The following FASN variants were observed in gnomAD, a reference collection of about 807,000 sequenced individuals.
FASN encodes the protein fatty acid synthase, also known as 3-hydroxyacyl-[acyl-carrier-protein] dehydratase.
In FASN, 50 loss-of-function variants were observed where a neutral mutation model predicts 250.0. The observed-to-expected ratio is 0.20, with a 90% CI of 0.16 to 0.25. FASN has a LOEUF of 0.25. Ranked by LOEUF, FASN falls within the 10% of genes least tolerant of loss-of-function variation. The probability of loss-of-function intolerance (pLI) is 1.00; values close to 1 mark genes in which losing one functional copy is unlikely to be tolerated. For missense variants in FASN, 3,031 were observed against 3,498.5 expected (o/e 0.87, Z 3.37); for synonymous variants, 1,909 against 1,584.0 (o/e 1.21, Z -4.87).
chr17:82,080,340 G>A (rs749400816), intron 40 of FASN, 30 bp downstream of exon 40: 67 of 1,606,434 alleles, frequency 4.2e-5, no homozygotes, highest in Non-Finnish European at 4.9e-5. Context: ...GACGTTTGCC[G>A]TAGGCCTCTA....
rs1598573239 is a variant in FASN, at chr17:82,081,644, C to T, written c.6363G>A (p.Arg2121=). The T allele has an allele frequency of 1.2e-6, 2 of 1,612,738 alleles. No homozygotes were observed. The highest frequency in any genetic ancestry group is 1.6e-4 in the Middle Eastern group (1 of 6,062). The change falls in exon 37 of 43, where the codon AGG becomes AGA. Residue 2121 remains arginine (R), a synonymous_variant. Coordinates refer to ENST00000306749, the MANE Select transcript of FASN (RefSeq NM_004104.5). ...LAEKAAAYRD[R]DSQRDLVEAV... is the part of the protein sequence containing the mutation. ...CCTCCACCAGGTCCCGCTGGCTGTCCCTGTCCCTATAGGCCGCAGCCTTCT... is the reference window on the plus strand; with the variant it reads ...CCTCCACCAGGTCCCGCTGGCTGTCTCTGTCCCTATAGGCCGCAGCCTTCT...
intron 9 of FASN, 70 bp from the exon 10 acceptor site, chr17:82,091,139 G>A: frequency 6.2e-7 from 1 of 1,604,086 alleles, no homozygotes; most frequent in Non-Finnish European, 8.5e-7. Flanking sequence ...CCGTCCCAGA[G>A]AGCACCTCAG....
At position 82,084,736 on chromosome 17, in the gene FASN, G is replaced by A. The variant is rs1221970247; in HGVS notation, c.4565-20C>T. The A allele has an allele frequency of 6.4e-7, 1 of 1,551,574 alleles. No individual in the cohort carries two copies. The highest frequency in any genetic ancestry group is 2.0e-5 in the Admixed American group (1 of 51,214). ...GCTTGTCTAGGGAAACAGGGAGGTGGGGCTGCTGCGGGGCCTTCGGGTGCA... is the reference window on the plus strand; with the variant it reads ...GCTTGTCTAGGGAAACAGGGAGGTGAGGCTGCTGCGGGGCCTTCGGGTGCA... On this transcript the variant is annotated intron_variant, in intron 26 of 42. Transcript: ENST00000306749.
At chr17:82,094,026 G>A (rs533910555) in intron 3 of FASN, 18 of 572,030 alleles carry the variant, frequency 3.1e-5, no homozygotes, top group Admixed American at 2.9e-4. Context: ...GGAACGAGGC[G>A]GAGGGGGCAG....
chr17:82,093,651 C>T lies in FASN; in HGVS notation c.401G>A (p.Gly134Asp). 6.2e-7 allele frequency: 1 copy of T among 1,612,790 alleles called. No individual in the cohort carries two copies. The highest frequency in any genetic ancestry group is 8.5e-7 in the Non-Finnish European group (1 of 1,179,994). ...PETLVGYSMVGCQRAMMANRL... is the reference protein window; with the variant it reads ...PETLVGYSMVDCQRAMMANRL... ...GTTGGCCATCATCGCTCGCTGGCAG[C>T]CCACCATGCTGTAGCCCACGAGTGT... The change falls in exon 4 of 43, where the codon GGC becomes GAC. Residue 134 changes from glycine (G) to aspartate (D), a missense_variant. Coordinates refer to ENST00000306749, the MANE Select transcript of FASN (RefSeq NM_004104.5).
chr17:82,088,261 G>A lies in FASN; in HGVS notation c.2640C>T (p.Leu880=), dbSNP rs570039207. Residue 880 remains leucine (L), a synonymous_variant, in exon 17 of 43, where the codon CTC becomes CTT. Transcript: ENST00000306749. ...SPDHYLVDHT[L]DGRVLFPATG... is the part of the protein sequence containing the mutation. Reference sequence around the variant, plus strand: ...TGGCGGGGAAGAGGACGCGACCGTCGAGGGTGTGGTCCACCAGGTAGTGGT... The same window carrying A: ...TGGCGGGGAAGAGGACGCGACCGTCAAGGGTGTGGTCCACCAGGTAGTGGT... 1.4e-4 allele frequency: 229 copies of A among 1,606,498 alleles called. 2 individuals are homozygous for A. The South Asian group carries it at 2.4e-3, about 17-fold the overall frequency.
In FASN at chr17:82,084,635, G is replaced by A. The variant is rs567629999; in HGVS notation, c.4646C>T (p.Ser1549Phe). The change falls in exon 27 of 43, where the codon TCC becomes TTC. Residue 1549 changes from serine to phenylalanine, a missense_variant. Coordinates refer to ENST00000306749, the MANE Select transcript of FASN (RefSeq NM_004104.5). ...GDLSSIRWVC[S>F]SLRHAQPTCP... is the part of the protein sequence containing the mutation. ...GGTGGGCTGGGCATGGCGCAGCGAG[G>A]AGCAGACCCAGCGGATGGAGGACAG... The A allele has an allele frequency of 3.1e-6, 5 of 1,602,464 alleles. No individual in the cohort carries two copies. Among genetic ancestry groups the A allele is most frequent in the South Asian group, 1.1e-5 (1 of 89,362 alleles).
chr17:82,081,883 T>C lies in FASN; in HGVS notation c.6164-40A>G. ...GCAGGTGGGCAGAGCTGCGGGGAGG[T>C]CGGGGTGGGGAGTGGCCACTGGGAG... On this transcript the variant is annotated intron_variant, in intron 36 of 42. Coordinates refer to ENST00000306749, the MANE Select transcript of FASN (RefSeq NM_004104.5). 1.7e-6 allele frequency: 2 copies of C among 1,189,558 alleles called. 1 individual carries two copies. 73.7% of individuals were successfully genotyped at this position (1,189,558 alleles called of 1,614,324 possible). A position where few individuals can be genotyped will look rare whatever the true frequency, so the allele number is the denominator to read the frequency against.
rs114891745 is a variant in FASN at position 82,083,181 on chromosome 17, C to T, written c.5565+21G>A. 9.0e-4 allele frequency: 1,444 copies of T among 1,611,826 alleles called. 8 individuals are homozygous for T. The African/African-American group carries it at 0.016, about 18-fold the overall frequency. On this transcript the variant is annotated intron_variant, in intron 32 of 42. Transcript: ENST00000306749. ...GGACCAGAGCCTGGGGTGCCCGAGG[C>T]GCCGGGACTCCTCCCCTCACCTGCA...
Position 82,087,999 on chromosome 17 carries a change from A to C in FASN, c.2821T>G (p.Ser941Ala). 6.2e-7 allele frequency: 1 copy of C among 1,612,654 alleles called. No individual in the cohort carries two copies. The highest frequency in any genetic ancestry group is 8.5e-7 in the Non-Finnish European group (1 of 1,179,936). Residue 941 changes from serine to alanine, a missense_variant, in exon 18 of 43, where the codon TCC becomes GCC. Physicochemically the swap from Ser to Ala is moderately conservative, Grantham distance 99 (BLOSUM62 1). Transcript: ENST00000306749. ...TTCTCTGACACCTCGAAGGCACGGG[A>C]GGCCTCCAGGAGCCGTACCTCCAGG... Reference protein sequence around the residue: ...VSLEVRLLEASRAFEVSENGN... With the variant: ...VSLEVRLLEAARAFEVSENGN...
At position 82,093,764 on chromosome 17, in the gene FASN, G is replaced by C; in HGVS notation, c.288C>G (p.Asn96Lys). 1 of 1,612,444 alleles carries C rather than the reference G, an allele frequency of 6.2e-7. No individual in the cohort carries two copies. Among genetic ancestry groups the C allele is most frequent in the South Asian group, 1.1e-5 (1 of 91,084 alleles). ...TYEAIVDGGI[N>K]PDSLRGTHTG... The stretch of plus-strand genomic sequence containing the variant: ...TGTGTGTTCCTCGGAGTGAATCTGG[G>C]TTGATGCCTGCCACAAACAGTGGTC... The change falls in exon 4 of 43, where the codon AAC becomes AAG. Residue 96 changes from asparagine to lysine, a missense_variant. Coordinates refer to ENST00000306749, the MANE Select transcript of FASN (RefSeq NM_004104.5).
intron 2 of FASN, among the ~76,000 whole-genome samples, chr17:82,095,886 T>C (rs1209043000): frequency 6.6e-6 from 1 of 152,136 alleles, no homozygotes; most frequent in Non-Finnish European, 1.5e-5. Flanking sequence ...GTATGCAACC[T>C]CCCAGCTCAG....
chr17:82,079,013 C>CG lies in FASN; in HGVS notation c.*129dup, dbSNP rs949168769. ...GCCTAACACCTACATCTAGCAGCCT[C>CG]GGGGGGCAGTGGCACTGGGCCGGAC... On this transcript the variant is annotated 3_prime_UTR_variant, in exon 43 of 43. Coordinates refer to ENST00000306749, the MANE Select transcript of FASN (RefSeq NM_004104.5). 5 of 1,086,136 alleles carry CG rather than the reference C, an allele frequency of 4.6e-6. No homozygotes were observed. Among genetic ancestry groups the CG allele is most frequent in the African/African-American group, 1.8e-5 (1 of 54,998 alleles). 67.3% of individuals were successfully genotyped at this position (1,086,136 alleles called of 1,614,324 possible). A position where few individuals can be genotyped will look rare whatever the true frequency, so the allele number is the denominator to read the frequency against.
In FASN at chr17:82,084,496, C is replaced by T; in HGVS notation, c.4768+17G>A. On this transcript the variant is annotated intron_variant, in intron 27 of 42. Transcript: ENST00000306749. Reference sequence around the variant, plus strand: ...TCCCCGGCCCAGTCCACTCCCACGGCCCCATGCCACCCATACCTGGGATGG... The same window carrying T: ...TCCCCGGCCCAGTCCACTCCCACGGTCCCATGCCACCCATACCTGGGATGG... 1 of 1,601,000 alleles carries T rather than the reference C, an allele frequency of 6.2e-7. No homozygotes were observed. The highest frequency in any genetic ancestry group is 1.7e-5 in the Admixed American group (1 of 57,966).
In FASN at chr17:82,085,815, A is replaced by G. The variant is rs1216044945; in HGVS notation, c.3789T>C (p.His1263=). The change falls in exon 23 of 43, where the codon CAT becomes CAC. Residue 1263 remains histidine, a synonymous_variant. Transcript: ENST00000306749. ...CCGTGTAGCTCAGCTGCAGCAGGGGATGGGGGCTGAGCAGGCCTGGGATGC... is the reference window on the plus strand; with the variant it reads ...CCGTGTAGCTCAGCTGCAGCAGGGGGTGGGGGCTGAGCAGGCCTGGGATGC... The part of the protein sequence containing the change: ...YSRIPGLLSP[H]PLLQLSYTAT... 1 of 1,560,254 alleles carries G rather than the reference A, an allele frequency of 6.4e-7. No homozygotes were observed. The highest frequency in any genetic ancestry group is 8.7e-7 in the Non-Finnish European group (1 of 1,156,022).
chr17:82,096,667 C>A lies in FASN; in HGVS notation c.-7-215G>T, dbSNP rs76959756. 3.3e-3 allele frequency: 2,215 copies of A among 665,382 alleles called. 46 individuals are homozygous for A. The African/African-American group carries it at 0.036, about 11-fold the overall frequency. 41.2% of individuals were successfully genotyped at this position (665,382 alleles called of 1,614,324 possible). The stretch of plus-strand genomic sequence containing the variant: ...GGGGCTGCGTGCTCTGGGAACAGGC[C>A]CGCCTCTGGGCCCTGACCCATTCAG... On this transcript the variant is annotated intron_variant, in intron 1 of 42. Transcript: ENST00000306749.
In FASN at chr17:82,081,660, G is replaced by T; in HGVS notation, c.6347C>A (p.Ala2116Glu). ...CTGGCTGTCCCTGTCCCTATAGGCC[G>T]CAGCCTTCTCAGCCAGCACAAAGCT... The part of the protein sequence containing the change: ...LSSFVLAEKA[A>E]AYRDRDSQRD... The change falls in exon 37 of 43, where the codon GCG becomes GAG. Residue 2116 changes from alanine to glutamate, a missense_variant. Physicochemically the swap from Ala to Glu is moderately radical, Grantham distance 107. Transcript: ENST00000306749. The T allele has an allele frequency of 6.2e-7, 1 of 1,612,692 alleles. No homozygotes were observed.
At position 82,080,681 on chromosome 17, in the gene FASN, C is replaced by A; in HGVS notation, c.6826+11G>T. The A allele has an allele frequency of 1.3e-6, 2 of 1,572,754 alleles. No homozygotes were observed. Among genetic ancestry groups the A allele is most frequent in the Non-Finnish European group, 1.7e-6 (2 of 1,159,632 alleles). On this transcript the variant is annotated intron_variant, in intron 39 of 42. Transcript: ENST00000306749. ...ACTGACCACCGCTTCCAGAGGAGGGCCCGGGAGTACCTCGGGTGCACTGCA... is the reference window on the plus strand; with the variant it reads ...ACTGACCACCGCTTCCAGAGGAGGGACCGGGAGTACCTCGGGTGCACTGCA...
Position 82,095,195 on chromosome 17 carries a change from G to A in FASN, c.280+125C>T, listed in dbSNP as rs1017048348. The A allele has an allele frequency of 4.0e-5, 49 of 1,222,502 alleles. No homozygotes were observed. In the South Asian group the frequency reaches 5.6e-4, roughly 14 times the overall value. The allele number at this position is 1,222,502 out of a possible 1,614,324, so 75.7% of individuals were successfully genotyped here. A position where few individuals can be genotyped will look rare whatever the true frequency, so the allele number is the denominator to read the frequency against. On this transcript the variant is annotated intron_variant, in intron 3 of 42. Transcript: ENST00000306749. ...CCCTGAGCCCGTTGGCCAGGCCAGG[G>A]GCACAGCCGGGGAGGGTAGGTGGTG...
Sources: allele counts gnomAD v4.1 joint callset (sites outside exome capture counted in the v4.1 genomes callset), GRCh38; gene constraint gnomAD v4.1.1; transcripts MANE v1.5; gene names NCBI Gene and HGNC (gene_info 2026-07-23, HGNC 2026-07-21).